Variants in ABCA6 observed in about 807,000 individuals in gnomAD.
ABCA6 encodes the protein ATP-binding cassette sub-family A member 6.
In ABCA6, 164 loss-of-function variants were observed where a neutral mutation model predicts 191.2. That is an observed-to-expected ratio of 0.86 (90% CI 0.76 to 0.98). The LOEUF is 0.98. Among genes scored for constraint, ABCA6 ranks in the 50% least tolerant of loss-of-function variants. The pLI is 0.00. For missense variants in ABCA6, 1,958 were observed against 1,894.1 expected, an observed-to-expected ratio of 1.03 and a Z score of -0.63; for synonymous variants, 636 against 647.7, an observed-to-expected ratio of 0.98 and a Z score of 0.27.
chr17:69,135,725 A>C, intron 4 of ABCA6: 1 of 353,274 alleles, frequency 2.8e-6, no homozygotes. Context: ...TAATCCCACT[A>C]TTAGGAACCC....
rs1225892879 is a variant in ABCA6, at chr17:69,078,978, G to T, written c.4849C>A (p.Pro1617Thr). The change falls in exon 39 of 39, where the codon CCT (proline) becomes ACT (threonine). Residue 1617 changes from proline (P) to threonine (T), a missense_variant. Pro to Thr is a conservative substitution (Grantham distance 38). Coordinates refer to ENST00000284425, the MANE Select transcript of ABCA6 (RefSeq NM_080284.3). ...AAATTACTAGGTTTGAGGTTTTAAG[G>T]TTCATCTGAATGAGGGAGGAGTTTC... ...RWKLLPHSDE[P>T] The T allele has an allele frequency of 4.4e-6, 7 of 1,605,812 alleles. No homozygotes were observed. Among genetic ancestry groups the T allele is most frequent in the South Asian group, 2.2e-5 (2 of 89,770 alleles).
At chr17:69,121,586 A>C (rs1376434977) in intron 10 of ABCA6, among the ~76,000 whole-genome samples, 24 of 152,002 alleles carry the variant, frequency 1.6e-4, no homozygotes, top group Non-Finnish European at 3.5e-4. Flanking sequence ...GTTTGGAGGC[A>C]CAGTGGGGAT....
rs756114521 is a variant in ABCA6 at position 69,105,609 on chromosome 17, C to A, written c.2593G>T (p.Ala865Ser). 6 of 1,503,412 alleles carry A rather than the reference C, an allele frequency of 4.0e-6. No homozygotes were observed. Among genetic ancestry groups the A allele is most frequent in the African/African-American group, 1.4e-5 (1 of 72,940 alleles). 93.1% of individuals were successfully genotyped at this position (1,503,412 alleles called of 1,614,324 possible). The part of the protein sequence containing the change: ...LLTLLLVFGI[A>S]IFPLIVENIM... ...TTTTCAACAATCAAAGGGAATATTGCGATTCCAAATACCAATAATCTAAAC... is the reference window on the plus strand; with the variant it reads ...TTTTCAACAATCAAAGGGAATATTGAGATTCCAAATACCAATAATCTAAAC... Residue 865 changes from alanine to serine, a missense_variant, in exon 20 of 39, where the codon GCA (alanine) becomes TCA (serine). By Grantham distance (99) the Ala-to-Ser change is moderately conservative. Coordinates refer to ENST00000284425, the MANE Select transcript of ABCA6 (RefSeq NM_080284.3).
chr17:69,125,326 T>C (rs563923769), intron 8 of ABCA6, among the ~76,000 whole-genome samples: 29 of 152,030 alleles, frequency 1.9e-4, no homozygotes, highest in African/African-American at 6.0e-4. Context: ...AAATATCTAT[T>C]CTGGGCAACA....
chr17:69,112,076 G>T (rs1401580347), intron 16 of ABCA6, 107 bp downstream of exon 16: 2 of 815,922 alleles, frequency 2.5e-6, no homozygotes, highest in Non-Finnish European at 4.2e-6. Context: ...GATCAATCCA[G>T]TATGGTAGAG....
intron 25 of ABCA6, chr17:69,095,110 A>G (rs2073017155): frequency 4.8e-6 from 1 of 209,524 alleles, no homozygotes; most frequent in African/African-American, 2.3e-5. Context: ...GCTGACTGAA[A>G]AGAAACCAAC....
rs1379280666 is a variant in ABCA6 at position 69,128,796 on chromosome 17, CA to C, written c.941del (p.Leu314TrpfsTer4). The C allele has an allele frequency of 1.3e-6, 2 of 1,585,772 alleles. No individual in the cohort carries two copies. The highest frequency in any genetic ancestry group is 1.7e-6 in the Non-Finnish European group (2 of 1,165,964). Reference sequence around the variant, plus strand: ...TTAACAGCACACTCATCAGGAACACCAAAGCTACCTGCAAGAGAGAGAAGAC... The same window carrying C: ...TTAACAGCACACTCATCAGGAACACCAAGCTACCTGCAAGAGAGAGAAGAC... ...FFLYGLSLVA[L>X]VFLMSVLLKK... On this transcript the variant is annotated frameshift_variant, in exon 8 of 39. Transcript: ENST00000284425. LOFTEE classifies it high-confidence loss of function.
rs1418779884 is a variant in ABCA6 at position 69,115,393 on chromosome 17, A to G, written c.1589T>C (p.Leu530Ser). The change falls in exon 12 of 39, where the codon TTG becomes TCG. Residue 530 changes from leucine (L) to serine (S), a missense_variant. Coordinates refer to ENST00000284425, the MANE Select transcript of ABCA6 (RefSeq NM_080284.3). ...TTACTCACCTTCTGTTGGAACAGAC[A>G]ATCCATTAAGAATATTTAGCAGTGA... is the stretch of plus-strand genomic sequence containing the variant. Reference protein sequence around the residue: ...KSSLLNILNGLSVPTEGSVTI... With the variant: ...KSSLLNILNGSSVPTEGSVTI... 1.2e-6 allele frequency: 2 copies of G among 1,608,932 alleles called. No individual in the cohort carries two copies. Among genetic ancestry groups the G allele is most frequent in the South Asian group, 1.1e-5 (1 of 89,894 alleles).
intron 7 of ABCA6, 66 bp from the exon 8 acceptor site, chr17:69,128,870 C>T: frequency 3.9e-6 from 5 of 1,273,122 alleles, no homozygotes; most frequent in East Asian, 2.4e-5. Flanking sequence ...TCATTGGCAG[C>T]CCAATCAAAT....
rs1172818886 is a variant in ABCA6, at chr17:69,136,348, C to G, written c.302-98G>C. On this transcript the variant is annotated intron_variant, in intron 3 of 38. Coordinates refer to ENST00000284425, the MANE Select transcript of ABCA6 (RefSeq NM_080284.3). Reference sequence around the variant, plus strand: ...TGTTTCCCCATATAATTTCATTAGACTTAAATTAAAATCATTTTCCATTTA... The same window carrying G: ...TGTTTCCCCATATAATTTCATTAGAGTTAAATTAAAATCATTTTCCATTTA... 76 of 974,274 alleles carry G rather than the reference C, an allele frequency of 7.8e-5. 1 individual carries two copies. The highest frequency in any genetic ancestry group is 1.1e-4 in the Non-Finnish European group (75 of 712,662). 60.4% of individuals were successfully genotyped at this position (974,274 alleles called of 1,614,324 possible).
intron 5 of ABCA6, 104 bp from the exon 6 acceptor site, chr17:69,133,971 C>A: frequency 1.3e-6 from 1 of 780,872 alleles, no homozygotes. Context: ...TCCAATTTTT[C>A]TTACTGTACT....
At chr17:69,089,976 T>C (rs1343077573) in intron 26 of ABCA6, among the ~76,000 whole-genome samples, 2 of 152,184 alleles carry the variant, frequency 1.3e-5, no homozygotes, top group Admixed American at 1.3e-4. Flanking sequence ...ATGGTGACTA[T>C]TTTCCCATAA....
chr17:69,135,853 C>T, intron 4 of ABCA6: 1 of 493,538 alleles, frequency 2.0e-6, no homozygotes, highest in South Asian at 3.9e-5. Flanking sequence ...CTTGGTTACT[C>T]ATGTGTCCTT....
At position 69,133,699 on chromosome 17, in the gene ABCA6, C is replaced by T. The variant is rs772884126; in HGVS notation, c.733G>A (p.Glu245Lys). ...VYFISLNVTK[E>K]RKKSKNLMKM... is the part of the protein sequence containing the mutation. The stretch of plus-strand genomic sequence containing the variant: ...ATCAAATTCTTAGACTTTTTTCTCT[C>T]TTTTGTTACATTGAGTGATATAAAA... Residue 245 changes from glutamate to lysine, a missense_variant, in exon 6 of 39, where the codon GAG (glutamate) becomes AAG (lysine). Glu to Lys is a moderately conservative substitution (Grantham distance 56). Transcript: ENST00000284425. 3 of 1,608,348 alleles carry T rather than the reference C, an allele frequency of 1.9e-6. No individual in the cohort carries two copies. The highest frequency in any genetic ancestry group is 3.4e-5 in the Admixed American group (2 of 59,690).
chr17:69,117,738 GCATATTCTTAAT>G (rs765938598), intron 11 of ABCA6, among the ~76,000 whole-genome samples, 148 bp downstream of exon 11: 3 of 151,956 alleles, frequency 2.0e-5, no homozygotes, highest in Non-Finnish European at 4.4e-5. Flanking sequence ...GAATTTTACA[GCATATTCTTAAT>G]CATGATTAAT....
intron 11 of ABCA6, chr17:69,115,906 T>C (rs532363725): frequency 6.6e-6 from 1 of 152,376 alleles, no homozygotes; most frequent in Non-Finnish European, 1.5e-5. Flanking sequence ...CCACCTAGAC[T>C]GGAGTGCAGT....
intron 9 of ABCA6, 75 bp from the exon 10 acceptor site, chr17:69,123,482 T>G: frequency 9.5e-7 from 1 of 1,054,532 alleles, no homozygotes; most frequent in Non-Finnish European, 1.3e-6. Context: ...CTAACAACAA[T>G]GCAGAATGCC....
At position 69,128,626 on chromosome 17, in the gene ABCA6, A is replaced by T; in HGVS notation, c.1112T>A (p.Met371Lys). The T allele has an allele frequency of 3.7e-6, 6 of 1,609,978 alleles. No homozygotes were observed. The highest frequency in any genetic ancestry group is 4.2e-6 in the Non-Finnish European group (5 of 1,177,934). Residue 371 changes from methionine to lysine, a missense_variant, in exon 8 of 39, where the codon ATG (methionine) becomes AAG (lysine). Physicochemically the swap from Met to Lys is moderately conservative, Grantham distance 95. Transcript: ENST00000284425. ...AATTAACTAGGCTCTTACCTGAATCATTCCAGTAGTAAAGGCAAAAGGGCT... is the reference window on the plus strand; with the variant it reads ...AATTAACTAGGCTCTTACCTGAATCTTTCCAGTAGTAAAGGCAAAAGGGCT... The part of the protein sequence containing the change: ...ICSPFAFTTG[M>K]IQIIKLDYNL...
intron 23 of ABCA6, 107 bp from the exon 24 acceptor site, chr17:69,096,908 T>G: frequency 1.0e-6 from 1 of 954,948 alleles, no homozygotes; most frequent in South Asian, 2.3e-5. Context: ...AAATATAATC[T>G]AATCTTCTAA....
Sources: allele counts gnomAD v4.1 joint callset (sites outside exome capture counted in the v4.1 genomes callset), GRCh38; gene constraint gnomAD v4.1.1; transcripts MANE v1.5; gene names NCBI Gene and HGNC (gene_info 2026-07-23, HGNC 2026-07-21).